Variants in EREG observed in about 807,000 individuals in gnomAD.
EREG encodes the protein epiregulin.
A neutral mutation model predicts 22.4 loss-of-function variants in EREG; 23 were observed. That is an observed-to-expected ratio of 1.03 (90% CI 0.74 to 1.46). The LOEUF (loss-of-function observed/expected upper bound fraction) is 1.46, where lower values mean the gene tolerates loss of function less well. Ranked by LOEUF, EREG falls within the 40% of genes most tolerant of loss-of-function variation. The pLI is 0.00. For synonymous variants in EREG, 100 were observed against 75.4 expected (o/e 1.33, Z -1.69); for missense variants, 226 against 205.9 (o/e 1.10, Z -0.60).
At position 74,387,982 on chromosome 4, in the gene EREG, T is replaced by A. The variant is rs1389247126; in HGVS notation, c.*3174T>A. On this transcript the variant is annotated 3_prime_UTR_variant, in exon 5 of 5. Coordinates refer to ENST00000244869, the MANE Select transcript of EREG (RefSeq NM_001432.3). ...TAACTCCACTGTTCTCCTGAATATT[T>A]TTTGCTCTAATCTCTCTGCCGAAAG... The A allele has an allele frequency of 1.3e-5, 2 of 152,186 alleles. No individual in the cohort carries two copies. The highest frequency in any genetic ancestry group is 1.3e-4 in the Admixed American group (2 of 15,272). 9.4% of individuals were successfully genotyped at this position (152,186 alleles called of 1,614,324 possible).
Position 74,365,235 on chromosome 4 carries a change from C to G in EREG, c.-74C>G, listed in dbSNP as rs958530554. 2 of 1,229,722 alleles carry G rather than the reference C, an allele frequency of 1.6e-6. No individual in the cohort carries two copies. Among genetic ancestry groups the G allele is most frequent in the African/African-American group, 3.0e-5 (2 of 67,776 alleles). 76.2% of individuals were successfully genotyped at this position (1,229,722 alleles called of 1,614,324 possible). A position where few individuals can be genotyped will look rare whatever the true frequency, so the allele number is the denominator to read the frequency against. On this transcript the variant is annotated 5_prime_UTR_variant, in exon 1 of 5. Coordinates refer to ENST00000244869, the MANE Select transcript of EREG (RefSeq NM_001432.3). The stretch of plus-strand genomic sequence containing the variant: ...CGCTCTCCAGCCACTGCCGCGAGCC[C>G]GTCTGCTCCCGCCCTGCCCGTGCAC...
At chr4:74,366,731 C>T (rs1217008081) in intron 1 of EREG, among the ~76,000 whole-genome samples, 1 of 152,098 alleles carries the variant, frequency 6.6e-6, no homozygotes, top group Non-Finnish European at 1.5e-5. Flanking sequence ...TGTGAATAAC[C>T]TGGTTACTAC....
At chr4:74,377,334 T>C (rs958035420) in intron 1 of EREG, among the ~76,000 whole-genome samples, 1 of 152,206 alleles carries the variant, frequency 6.6e-6, no homozygotes, top group Non-Finnish European at 1.5e-5. Context: ...TTGGGTTAAA[T>C]ACTCTACTTC....
At chr4:74,374,062 A>G (rs1387659480) in intron 1 of EREG, among the ~76,000 whole-genome samples, 1 of 152,198 alleles carries the variant, frequency 6.6e-6, no homozygotes, top group African/African-American at 2.4e-5. Flanking sequence ...TTGGCATGTG[A>G]CCACAGCAAA....
In EREG at chr4:74,387,008, C is replaced by G. The variant is rs532310218; in HGVS notation, c.*2200C>G. 3.3e-5 allele frequency: 5 copies of G among 152,248 alleles called. No individual in the cohort carries two copies. The East Asian group carries it at 9.7e-4, about 29-fold the overall frequency. 9.4% of individuals were successfully genotyped at this position (152,248 alleles called of 1,614,324 possible). ...GTTTCACCATGTTGGCCAGGATGGT[C>G]TCAATCTCCTAACCTTGAGATCCAC... is the stretch of plus-strand genomic sequence containing the variant. On this transcript the variant is annotated 3_prime_UTR_variant, in exon 5 of 5. Transcript: ENST00000244869.
chr4:74,381,061 T>C lies in EREG; in HGVS notation c.202T>C (p.Cys68Arg). The change falls in exon 3 of 5, where the codon TGT (cysteine) becomes CGT (arginine). Residue 68 changes from cysteine to arginine, a missense_variant. Cys to Arg is a radical substitution (Grantham distance 180, BLOSUM62 -3). Coordinates refer to ENST00000244869, the MANE Select transcript of EREG (RefSeq NM_001432.3). ...PRVAQVSITKCSSDMNGYCLH... is the reference protein window; with the variant it reads ...PRVAQVSITKRSSDMNGYCLH... Reference sequence around the variant, plus strand: ...TGTGGCTCAAGTGTCAATAACAAAGTGTAGCTCTGACATGAATGGCTATTG... The same window carrying C: ...TGTGGCTCAAGTGTCAATAACAAAGCGTAGCTCTGACATGAATGGCTATTG... The C allele has an allele frequency of 6.2e-7, 1 of 1,613,852 alleles. No homozygotes were observed. The highest frequency in any genetic ancestry group is 8.5e-7 in the Non-Finnish European group (1 of 1,179,836).
chr4:74,369,214 T>C (rs1020078745), intron 1 of EREG, among the ~76,000 whole-genome samples: 1 of 152,172 alleles, frequency 6.6e-6, no homozygotes, highest in African/African-American at 2.4e-5. Flanking sequence ...AATTCTATAG[T>C]GGTGAATTGT....
rs924245788 is a variant in EREG at position 74,388,264 on chromosome 4, C to A, written c.*3456C>A. On this transcript the variant is annotated 3_prime_UTR_variant, in exon 5 of 5. Coordinates refer to ENST00000244869, the MANE Select transcript of EREG (RefSeq NM_001432.3). ...AAAAAAAAGTTTTTAATTTGATGCC[C>A]AATATATTCTGACCGTTAAAAAATT... 4 of 152,046 alleles carry A rather than the reference C, an allele frequency of 2.6e-5. No homozygotes were observed. The highest frequency in any genetic ancestry group is 5.9e-5 in the Non-Finnish European group (4 of 68,010). The allele number at this position is 152,046 out of a possible 1,614,324, so 9.4% of individuals were successfully genotyped here. A position where few individuals can be genotyped will look rare whatever the true frequency, so the allele number is the denominator to read the frequency against.
At position 74,365,234 on chromosome 4, in the gene EREG, C is replaced by A; in HGVS notation, c.-75C>A. The A allele has an allele frequency of 8.3e-7, 1 of 1,210,840 alleles. No homozygotes were observed. Among genetic ancestry groups the A allele is most frequent in the Non-Finnish European group, 1.2e-6 (1 of 837,818 alleles). 75.0% of individuals were successfully genotyped at this position (1,210,840 alleles called of 1,614,324 possible). ...CCGCTCTCCAGCCACTGCCGCGAGCCCGTCTGCTCCCGCCCTGCCCGTGCA... is the reference window on the plus strand; with the variant it reads ...CCGCTCTCCAGCCACTGCCGCGAGCACGTCTGCTCCCGCCCTGCCCGTGCA... On this transcript the variant is annotated 5_prime_UTR_variant, in exon 1 of 5. Transcript: ENST00000244869.
intron 1 of EREG, among the ~76,000 whole-genome samples, chr4:74,378,561 G>A (rs953683649): frequency 7.2e-5 from 11 of 151,852 alleles, no homozygotes; most frequent in Non-Finnish European, 1.5e-4. Flanking sequence ...CTTAATTGCT[G>A]CTACTACTAC....
chr4:74,368,982 T>A (rs76695009), intron 1 of EREG, among the ~76,000 whole-genome samples: 2 of 152,192 alleles, frequency 1.3e-5, no homozygotes, highest in African/African-American at 2.4e-5. Flanking sequence ...GGGTGTTTAG[T>A]TATAGGGCAC....
chr4:74,371,714 G>A (rs1309134647), intron 1 of EREG, among the ~76,000 whole-genome samples: 2 of 152,018 alleles, frequency 1.3e-5, no homozygotes, highest in African/African-American at 2.4e-5. Flanking sequence ...ATTCCCAACA[G>A]CCTCAAAAAT....
intron 1 of EREG, among the ~76,000 whole-genome samples, chr4:74,367,111 C>G (rs1752199336): frequency 6.6e-6 from 1 of 152,196 alleles, no homozygotes; most frequent in Non-Finnish European, 1.5e-5. Context: ...TAAATTTTAG[C>G]ATACATGTTA....
Position 74,387,150 on chromosome 4 carries a change from G to A in EREG, c.*2342G>A, listed in dbSNP as rs1752582064. ...TAAGTATACAGGAGGATGTGAATAG[G>A]TTATATGCAAGCACTATGCCCTTTT... On this transcript the variant is annotated 3_prime_UTR_variant, in exon 5 of 5. Transcript: ENST00000244869. 6.6e-6 allele frequency: 1 copy of A among 152,080 alleles called. No homozygotes were observed. The highest frequency in any genetic ancestry group is 2.4e-5 in the African/African-American group (1 of 41,402). 9.4% of individuals were successfully genotyped at this position (152,080 alleles called of 1,614,324 possible). A position where few individuals can be genotyped will look rare whatever the true frequency, so the allele number is the denominator to read the frequency against.
rs528152622 is a variant in EREG, at chr4:74,369,221, T to C, written c.67+3846T>C. 5.9e-5 allele frequency among the ~76,000 whole-genome samples: 9 copies of C among 152,264 alleles called. No homozygotes were observed. In the South Asian group the frequency reaches 1.5e-3, roughly 25 times the overall value. On this transcript the variant is annotated intron_variant, in intron 1 of 4. Coordinates refer to ENST00000244869, the MANE Select transcript of EREG (RefSeq NM_001432.3). ...CGTGGGTGAATTCTATAGTGGTGAA[T>C]TGTGAGATTTTAGTGCGCCTATCAC...
rs181890989 is a variant in EREG, at chr4:74,365,980, C to A, written c.67+605C>A. On this transcript the variant is annotated intron_variant, in intron 1 of 4. Transcript: ENST00000244869. ...CCTGGGCAGGTCCTGGCGCTCCCCA[C>A]CGCCCTTCGCCCCTACACCTGCTGC... Among the ~76,000 whole-genome samples, 361 of 152,200 alleles carry A rather than the reference C, an allele frequency of 2.4e-3. 2 individuals carry two copies. Among genetic ancestry groups the A allele is most frequent in the African/African-American group, 8.4e-3 (350 of 41,528 alleles).
chr4:74,375,483 TA>T (rs1489626046), intron 1 of EREG, among the ~76,000 whole-genome samples: 1 of 62,594 alleles, frequency 1.6e-5, no homozygotes, highest in African/African-American at 7.0e-5. Context: ...CATGCCTGGC[TA>T]ATTTTTTTTT....
intron 1 of EREG, among the ~76,000 whole-genome samples, chr4:74,366,093 T>C (rs1752176128): frequency 6.6e-6 from 1 of 152,090 alleles, no homozygotes; most frequent in Admixed American, 6.5e-5. Context: ...CTGTGATCGC[T>C]GAGGGTATTT....
chr4:74,381,093 T>A lies in EREG; in HGVS notation c.234T>A (p.His78Gln), dbSNP rs189413524. Residue 78 changes from histidine to glutamine, a missense_variant, in exon 3 of 5, where the codon CAT becomes CAA. Coordinates refer to ENST00000244869, the MANE Select transcript of EREG (RefSeq NM_001432.3). ...CTGACATGAATGGCTATTGTTTGCATGGACAGTGCATCTATCTGGTGGACA... is the reference window on the plus strand; with the variant it reads ...CTGACATGAATGGCTATTGTTTGCAAGGACAGTGCATCTATCTGGTGGACA... Reference protein sequence around the residue: ...CSSDMNGYCLHGQCIYLVDMS... With the variant: ...CSSDMNGYCLQGQCIYLVDMS... The A allele has an allele frequency of 6.8e-6, 11 of 1,613,624 alleles. No individual in the cohort carries two copies. Among genetic ancestry groups the A allele is most frequent in the Middle Eastern group, 1.7e-4 (1 of 6,060 alleles).
Sources: allele counts gnomAD v4.1 joint callset (sites outside exome capture counted in the v4.1 genomes callset), GRCh38; gene constraint gnomAD v4.1.1; transcripts MANE v1.5; gene names NCBI Gene and HGNC (gene_info 2026-07-23, HGNC 2026-07-21).